LRRC40: variants seen among roughly 807,000 people sequenced by gnomAD.
LRRC40 encodes leucine rich repeat containing 40.
In LRRC40, 76 loss-of-function variants were observed where a neutral mutation model predicts 72.8. That is an observed-to-expected ratio of 1.04 (90% CI 0.87 to 1.26). The LOEUF is 1.26. Among genes scored for constraint, LRRC40 ranks in the 50% most tolerant of loss-of-function variants. The probability of loss-of-function intolerance (pLI) is 0.00; values close to 1 mark genes in which losing one functional copy is unlikely to be tolerated. For missense variants in LRRC40, 684 were observed against 698.9 expected (o/e 0.98, Z 0.24); for synonymous variants, 243 against 254.2 (o/e 0.96, Z 0.42).
rs529553810 is a variant in LRRC40 at position 70,175,712 on chromosome 1, A to AC, written c.977+97_977+98insG. On this transcript the variant is annotated intron_variant, in intron 7 of 14. Transcript: ENST00000370952. ...AATCAATATTTAGTGAATTCAATTT[A>AC]GAAAAAAGGAACCTCTTGGTTTTTT... 1.6e-3 allele frequency: 1,329 copies of AC among 851,046 alleles called. 12 individuals are homozygous for AC. The highest frequency in any genetic ancestry group is 9.9e-4 in the Non-Finnish European group (569 of 572,296). 52.7% of individuals were successfully genotyped at this position (851,046 alleles called of 1,614,324 possible).
chr1:70,195,951 T>C (rs895059699), intron 1 of LRRC40, among the ~76,000 whole-genome samples: 2 of 152,082 alleles, frequency 1.3e-5, no homozygotes, highest in African/African-American at 4.8e-5. Context: ...CTTACTACTA[T>C]ACAATACAGC....
At position 70,175,800 on chromosome 1, in the gene LRRC40, T is replaced by C; in HGVS notation, c.977+10A>G. The C allele has an allele frequency of 6.6e-7, 1 of 1,523,704 alleles. No individual in the cohort carries two copies. The allele number at this position is 1,523,704 out of a possible 1,614,324, so 94.4% of individuals were successfully genotyped here. ...AACACAATTTCTATTCATTTGATATTTAAACTTACCTACTAATATCATTGT... is the reference window on the plus strand; with the variant it reads ...AACACAATTTCTATTCATTTGATATCTAAACTTACCTACTAATATCATTGT... On this transcript the variant is annotated intron_variant, in intron 7 of 14. Coordinates refer to ENST00000370952, the MANE Select transcript of LRRC40 (RefSeq NM_017768.5).
intron 1 of LRRC40, among the ~76,000 whole-genome samples, chr1:70,192,879 G>C (rs1411254024): frequency 6.6e-6 from 1 of 151,900 alleles, no homozygotes; most frequent in Non-Finnish European, 1.5e-5. Flanking sequence ...CTTAGTACCT[G>C]GGTGACAAAG....
At chr1:70,186,563 C>T (rs778996145) in intron 3 of LRRC40, among the ~76,000 whole-genome samples, 5 of 152,092 alleles carry the variant, frequency 3.3e-5, no homozygotes, top group Non-Finnish European at 7.4e-5. Flanking sequence ...GATCTGTAAC[C>T]GTATCTATTT....
At position 70,155,567 on chromosome 1, in the gene LRRC40, T is replaced by C. The variant is rs74085971; in HGVS notation, c.1328+122A>G. The C allele has an allele frequency of 3.6e-3, 1,498 of 417,516 alleles. 21 individuals carry two copies. The highest frequency in any genetic ancestry group is 0.028 in the African/African-American group (1,366 of 49,128). 25.9% of individuals were successfully genotyped at this position (417,516 alleles called of 1,614,324 possible). ...TGCTAAATCCCTCTAATATTAATAA[T>C]GTAAAAATTTTTACATATAGTTTTA... On this transcript the variant is annotated intron_variant, in intron 11 of 14. Coordinates refer to ENST00000370952, the MANE Select transcript of LRRC40 (RefSeq NM_017768.5).
chr1:70,150,542 T>A (rs147794246), intron 13 of LRRC40, among the ~76,000 whole-genome samples: 1 of 152,230 alleles, frequency 6.6e-6, no homozygotes, highest in Non-Finnish European at 1.5e-5. Context: ...ATCTTGATAG[T>A]GTTTGCAGAA....
chr1:70,159,937 T>C (rs984060617), intron 9 of LRRC40, among the ~76,000 whole-genome samples: 12 of 152,180 alleles, frequency 7.9e-5, no homozygotes, highest in African/African-American at 2.9e-4. Context: ...ATTTTATATG[T>C]TAAGATTTTT....
intron 13 of LRRC40, among the ~76,000 whole-genome samples, chr1:70,149,224 C>A (rs1024461026): frequency 1.3e-5 from 2 of 152,146 alleles, no homozygotes; most frequent in Admixed American, 6.6e-5. Flanking sequence ...TTGCAATTAA[C>A]GTAAAATGGC....
chr1:70,177,933 G>A (rs1406626134), intron 6 of LRRC40, among the ~76,000 whole-genome samples: 1 of 152,092 alleles, frequency 6.6e-6, no homozygotes, highest in Non-Finnish European at 1.5e-5. Context: ...CCTTTATGAT[G>A]ACTGACTTCC....
At chr1:70,168,834 G>T (rs1319033156) in intron 9 of LRRC40, among the ~76,000 whole-genome samples, 1 of 152,048 alleles carries the variant, frequency 6.6e-6, no homozygotes, top group African/African-American at 2.4e-5. Flanking sequence ...GCCAAAGAAG[G>T]TATCAAAAGA....
At chr1:70,184,073 C>T (rs1415762684) in intron 4 of LRRC40, among the ~76,000 whole-genome samples, 1 of 151,896 alleles carries the variant, frequency 6.6e-6, no homozygotes, top group Non-Finnish European at 1.5e-5. Flanking sequence ...AATGGTGAAA[C>T]CCCGTCTCTA....
At chr1:70,196,140 C>G (rs142134512) in intron 1 of LRRC40, among the ~76,000 whole-genome samples, 1 of 151,702 alleles carries the variant, frequency 6.6e-6, no homozygotes, top group Non-Finnish European at 1.5e-5. Context: ...TACAAGAAAG[C>G]TTATAGCAAT....
At chr1:70,155,852 GATT>G in intron 10 of LRRC40, 56 bp from the exon 11 acceptor site, 1 of 682,978 alleles carries the variant, frequency 1.5e-6, no homozygotes, top group Non-Finnish European at 2.4e-6. Flanking sequence ...AAAAAGATAT[GATT>G]ATTACTCTTC....
At position 70,167,230 on chromosome 1, in the gene LRRC40, T is replaced by TAAAA. The variant is rs376215808; in HGVS notation, c.1111+6231_1111+6234dup. ...CGCAGAAAAGCTGGTTAAAAAGTGT[T>TAAAA]AAAAAAAAAAAAAAAAAGAAAAAAG... On this transcript the variant is annotated intron_variant, in intron 9 of 14. Transcript: ENST00000370952. Among the ~76,000 whole-genome samples, 735 of 126,922 alleles carry TAAAA rather than the reference T, an allele frequency of 5.8e-3. 2 individuals carry two copies. Among genetic ancestry groups the TAAAA allele is most frequent in the Non-Finnish European group, 9.4e-3 (542 of 57,640 alleles). 83.3% of individuals were successfully genotyped at this position (126,922 alleles called of 152,430 possible).
intron 10 of LRRC40, among the ~76,000 whole-genome samples, chr1:70,158,592 T>C (rs1667690920): frequency 6.6e-6 from 1 of 152,182 alleles, no homozygotes; most frequent in South Asian, 2.1e-4. Context: ...ATAAAAAATA[T>C]TTAAAATTTT....
chr1:70,189,152 G>T lies in LRRC40; in HGVS notation c.273C>A (p.Asn91Lys). The T allele has an allele frequency of 6.2e-7, 1 of 1,613,794 alleles. No homozygotes were observed. The highest frequency in any genetic ancestry group is 8.5e-7 in the Non-Finnish European group (1 of 1,179,956). ...QTDLTKLIIS[N>K]NKLQSLTDDL... Reference sequence around the variant, plus strand: ...CATCTGTAAGTGACTGAAGTTTATTGTTTGATATTATTAGTTTGGTCAAAT... The same window carrying T: ...CATCTGTAAGTGACTGAAGTTTATTTTTTGATATTATTAGTTTGGTCAAAT... Residue 91 changes from asparagine to lysine, a missense_variant, in exon 2 of 15, where the codon AAC (asparagine) becomes AAA (lysine). Physicochemically the swap from Asn to Lys is moderately conservative, Grantham distance 94 (BLOSUM62 0). Transcript: ENST00000370952.
chr1:70,202,315 C>G (rs1421284416), intron 1 of LRRC40, among the ~76,000 whole-genome samples: 1 of 151,138 alleles, frequency 6.6e-6, no homozygotes, highest in Admixed American at 6.6e-5. Context: ...TGTGAATGAA[C>G]AAAATGGTAC....
chr1:70,184,942 T>C, intron 3 of LRRC40, 28 bp from the exon 4 acceptor site: 1 of 1,541,540 alleles, frequency 6.5e-7, no homozygotes, highest in South Asian at 1.2e-5. Flanking sequence ...AAATGATGAA[T>C]AATTTAGTGG....
At chr1:70,156,599 A>AC (rs1218393977) in intron 10 of LRRC40, among the ~76,000 whole-genome samples, 1 of 151,982 alleles carries the variant, frequency 6.6e-6, no homozygotes, top group East Asian at 1.9e-4. Context: ...CTTTATCCAG[A>AC]CCCCCCGGGG....
Sources: allele counts gnomAD v4.1 joint callset (sites outside exome capture counted in the v4.1 genomes callset), GRCh38; gene constraint gnomAD v4.1.1; transcripts MANE v1.5; gene names NCBI Gene and HGNC (gene_info 2026-07-23, HGNC 2026-07-21).